FAT3: variants seen among roughly 807,000 people sequenced by gnomAD.
The protein encoded by FAT3 is FAT atypical cadherin 3, also known as protocadherin Fat 3.
In FAT3, 95 loss-of-function variants were observed where a neutral mutation model predicts 310.2. That is an observed-to-expected ratio of 0.31 (90% confidence interval 0.26 to 0.36). FAT3 has a LOEUF of 0.36. Ranked by LOEUF, FAT3 falls within the 10% of genes least tolerant of loss-of-function variation. FAT3 has a pLI of 1.00. For synonymous variants in FAT3, 2,314 were observed against 2,192.9 expected (o/e 1.06, Z -1.54); for missense variants, 5,408 against 5,715.6 (o/e 0.95, Z 1.74).
chr11:92,850,121 C>T (rs950515522), intron 19 of FAT3, among the ~76,000 whole-genome samples: 9 of 152,128 alleles, frequency 5.9e-5, no homozygotes, highest in South Asian at 2.1e-4. Flanking sequence ...GCACTTTGGC[C>T]GGGGTTTGCT....
chr11:92,541,256 A>T (rs1954439135), intron 3 of FAT3, among the ~76,000 whole-genome samples: 1 of 152,172 alleles, frequency 6.6e-6, no homozygotes, highest in South Asian at 2.1e-4. Context: ...AGATGCTCTA[A>T]GGTAATACAG....
intron 3 of FAT3, among the ~76,000 whole-genome samples, chr11:92,568,567 C>A (rs766686356): frequency 6.6e-6 from 1 of 152,116 alleles, no homozygotes; most frequent in Non-Finnish European, 1.5e-5. Context: ...ACATTTAGAA[C>A]ATTTTGATTA....
At chr11:92,654,051 C>T (rs560226977) in intron 3 of FAT3, among the ~76,000 whole-genome samples, 98 of 152,264 alleles carry the variant, frequency 6.4e-4, no homozygotes, top group African/African-American at 2.2e-3. Flanking sequence ...AGCATATTTT[C>T]AAATTAGCTT....
intron 1 of FAT3, among the ~76,000 whole-genome samples, chr11:92,311,024 G>GTA (rs1332548197): frequency 5.3e-5 from 8 of 150,754 alleles, no homozygotes; most frequent in South Asian, 2.1e-4. Flanking sequence ...ACACATATAT[G>GTA]TATATATATA....
At position 92,342,835 on chromosome 11, in the gene FAT3, A is replaced by G. The variant is rs1230735214; in HGVS notation, c.-17-9261A>G. Among the ~76,000 whole-genome samples, 3 of 152,168 alleles carry G rather than the reference A, an allele frequency of 2.0e-5. No homozygotes were observed. The East Asian group carries it at 5.8e-4, about 29-fold the overall frequency. ...ATGAAATCATGCATTTTTCTGGCAC[A>G]TTTTTTCAGACAGCCAAGCATAGGA... is the stretch of plus-strand genomic sequence containing the variant. On this transcript the variant is annotated intron_variant, in intron 1 of 27. Transcript: ENST00000525166.
intron 2 of FAT3, among the ~76,000 whole-genome samples, chr11:92,373,757 T>C (rs945565296): frequency 2.2e-5 from 3 of 139,458 alleles, no homozygotes; most frequent in Non-Finnish European, 4.6e-5. Context: ...TGGAGATATG[T>C]ATGCACACAC....
intron 3 of FAT3, among the ~76,000 whole-genome samples, chr11:92,597,159 G>A (rs1939753720): frequency 6.6e-6 from 1 of 152,086 alleles, no homozygotes; most frequent in Admixed American, 6.6e-5. Flanking sequence ...ACAACTCTAG[G>A]GGAATTTTCT....
chr11:92,532,853 A>G (rs941668957), intron 3 of FAT3, among the ~76,000 whole-genome samples: 11 of 152,178 alleles, frequency 7.2e-5, no homozygotes, highest in African/African-American at 2.7e-4. Flanking sequence ...TCCACATTAG[A>G]TGAATCCTAG....
chr11:92,863,264 T>G (rs1949163520), intron 21 of FAT3, among the ~76,000 whole-genome samples: 1 of 152,150 alleles, frequency 6.6e-6, no homozygotes, highest in Admixed American at 6.6e-5. Context: ...TAAAAAGTTT[T>G]TAAAACATCC....
chr11:92,692,500 A>G (rs1943824748), intron 3 of FAT3, among the ~76,000 whole-genome samples: 1 of 152,234 alleles, frequency 6.6e-6, no homozygotes, highest in South Asian at 2.1e-4. Flanking sequence ...TTGAGGAGGC[A>G]TTGATCTAAG....
chr11:92,735,488 C>T (rs1469212195), intron 4 of FAT3, among the ~76,000 whole-genome samples: 2 of 151,892 alleles, frequency 1.3e-5, no homozygotes, highest in Admixed American at 6.6e-5. Flanking sequence ...TTCATTCCAG[C>T]TGTAAATGTG....
intron 1 of FAT3, among the ~76,000 whole-genome samples, chr11:92,228,999 T>A (rs1022478410): frequency 2.6e-5 from 4 of 152,224 alleles, no homozygotes; most frequent in African/African-American, 4.8e-5. Context: ...ATGAACCACT[T>A]CTTTGCTGAT....
chr11:92,592,997 T>C (rs1357882351), intron 3 of FAT3, among the ~76,000 whole-genome samples: 1 of 152,170 alleles, frequency 6.6e-6, no homozygotes, highest in Non-Finnish European at 1.5e-5. Context: ...CTGACAACTT[T>C]CTTTTTCTAT....
intron 2 of FAT3, among the ~76,000 whole-genome samples, chr11:92,434,177 C>T (rs756223038): frequency 3.5e-4 from 53 of 152,046 alleles, no homozygotes; most frequent in South Asian, 6.2e-4. Context: ...ACTCCTATTC[C>T]GGGAAAGTAA....
chr11:92,550,122 G>A (rs1304543212), intron 3 of FAT3, among the ~76,000 whole-genome samples: 4 of 152,120 alleles, frequency 2.6e-5, no homozygotes, highest in Non-Finnish European at 5.9e-5. Context: ...GCCAATTTTT[G>A]TTTTAAATCA....
intron 1 of FAT3, among the ~76,000 whole-genome samples, chr11:92,288,767 C>T (rs1008957342): frequency 2.0e-5 from 3 of 152,084 alleles, no homozygotes; most frequent in African/African-American, 7.2e-5. Context: ...ATCTAAAATT[C>T]TGTCATGTGT....
chr11:92,505,342 T>C (rs1172689101), intron 2 of FAT3, among the ~76,000 whole-genome samples: 2 of 152,142 alleles, frequency 1.3e-5, no homozygotes, highest in East Asian at 3.9e-4. Context: ...TTCTTTGAAC[T>C]TTCCTGGACG....
chr11:92,462,235 C>G (rs1951655001), intron 2 of FAT3, among the ~76,000 whole-genome samples: 1 of 151,918 alleles, frequency 6.6e-6, no homozygotes, highest in Non-Finnish European at 1.5e-5. Context: ...AATTGCATGT[C>G]ATGGGGGTTT....
intron 7 of FAT3, among the ~76,000 whole-genome samples, chr11:92,787,562 G>T (rs980330652): frequency 6.6e-6 from 1 of 151,530 alleles, no homozygotes; most frequent in Non-Finnish European, 1.5e-5. Flanking sequence ...ATTCTTGCTT[G>T]TTCTTCTTAA....
Sources: allele counts gnomAD v4.1 joint callset (sites outside exome capture counted in the v4.1 genomes callset), GRCh38; gene constraint gnomAD v4.1.1; transcripts MANE v1.5; gene names NCBI Gene and HGNC (gene_info 2026-07-23, HGNC 2026-07-21).